Variants in TAFA1 observed in about 807,000 individuals in gnomAD.
TAFA1 encodes the protein TAFA chemokine like family member 1.
A neutral mutation model predicts 18.5 loss-of-function variants in TAFA1; 4 were observed. The ratio of observed to expected loss-of-function variants is 0.22; its 90% CI spans 0.11 to 0.49. The LOEUF (loss-of-function observed/expected upper bound fraction) is 0.49. Among genes scored for constraint, TAFA1 ranks in the 20% least tolerant of loss-of-function variants. The pLI, the probability that TAFA1 is intolerant of heterozygous loss-of-function variation, is 0.98. For synonymous variants in TAFA1, 56 were observed against 55.2 expected (o/e 1.01, Z -0.06); for missense variants, 147 against 169.0 (o/e 0.87, Z 0.72).
chr3:68,351,666 T>C (rs911101638), intron 2 of TAFA1, among the ~76,000 whole-genome samples: 4 of 152,086 alleles, frequency 2.6e-5, no homozygotes, highest in African/African-American at 9.6e-5. Flanking sequence ...TTTGAGTCTC[T>C]AGGGGTAGCA....
rs2065379269 is a variant in TAFA1, at chr3:68,120,225, CTTT to C, written c.118+113482_118+113484del. ...TCTTTCTTTCTTTCTTTCTTTCTTT[CTTT>C]CTTTCTTTCTTTCTTTCTTTCTTTC... On this transcript the variant is annotated intron_variant, in intron 2 of 4. Transcript: ENST00000478136. Among the ~76,000 whole-genome samples the C allele has an allele frequency of 3.2e-5, 4 of 125,180 alleles. No individual in the cohort carries two copies. In the East Asian group the frequency reaches 6.7e-4, roughly 21 times the overall value. The allele number at this position is 125,180 out of a possible 152,430, so 82.1% of individuals were successfully genotyped here.
intron 3 of TAFA1, among the ~76,000 whole-genome samples, chr3:68,418,309 A>G (rs1271825889): frequency 6.6e-6 from 1 of 151,852 alleles, no homozygotes; most frequent in Non-Finnish European, 1.5e-5. Context: ...TTACAGTCAA[A>G]GGGGAGTTGT....
At chr3:68,491,400 G>C (rs916294369) in intron 3 of TAFA1, among the ~76,000 whole-genome samples, 4 of 152,106 alleles carry the variant, frequency 2.6e-5, no homozygotes, top group South Asian at 4.2e-4. Flanking sequence ...GGACATGGAT[G>C]AAATTGGAAA....
At chr3:68,162,387 G>A (rs1321211645) in intron 2 of TAFA1, among the ~76,000 whole-genome samples, 1 of 152,078 alleles carries the variant, frequency 6.6e-6, no homozygotes, top group African/African-American at 2.4e-5. Context: ...CACATGCACA[G>A]TTCACAATAG....
At chr3:68,437,552 T>C (rs2071285988) in intron 3 of TAFA1, among the ~76,000 whole-genome samples, 1 of 152,130 alleles carries the variant, frequency 6.6e-6, no homozygotes, top group Non-Finnish European at 1.5e-5. Flanking sequence ...GGGCATAACA[T>C]GGCAAGGGGA....
chr3:68,153,417 C>T (rs2065830654), intron 2 of TAFA1, among the ~76,000 whole-genome samples: 1 of 152,050 alleles, frequency 6.6e-6, no homozygotes, highest in South Asian at 2.1e-4. Flanking sequence ...TGATTAGAAG[C>T]TGAGAAGGTG....
chr3:68,059,317 G>C (rs2064573918), intron 2 of TAFA1, among the ~76,000 whole-genome samples: 1 of 151,992 alleles, frequency 6.6e-6, no homozygotes, highest in Non-Finnish European at 1.5e-5. Context: ...TGAAACATTT[G>C]TTCCTTATAA....
At chr3:68,383,108 A>C (rs1363789881) in intron 2 of TAFA1, among the ~76,000 whole-genome samples, 1 of 152,138 alleles carries the variant, frequency 6.6e-6, no homozygotes, top group African/African-American at 2.4e-5. Context: ...TTGGGCTGAG[A>C]CTATAGGGTT....
intron 2 of TAFA1, among the ~76,000 whole-genome samples, chr3:68,220,077 G>T (rs1424615033): frequency 2.0e-5 from 3 of 152,150 alleles, no homozygotes; most frequent in Non-Finnish European, 4.4e-5. Context: ...AATTAATTGT[G>T]TAAGTCGAAA....
chr3:68,409,935 C>T, intron 2 of TAFA1, among the ~76,000 whole-genome samples: 1 of 152,166 alleles, frequency 6.6e-6, no homozygotes, highest in Non-Finnish European at 1.5e-5. Flanking sequence ...ACATAATTGT[C>T]ACCAGTGGGG....
intron 2 of TAFA1, among the ~76,000 whole-genome samples, chr3:68,190,519 A>G (rs2066324184): frequency 1.3e-5 from 2 of 151,906 alleles, no homozygotes; most frequent in South Asian, 4.1e-4. Context: ...TTTTAAGACC[A>G]TTAACCTCAG....
intron 2 of TAFA1, among the ~76,000 whole-genome samples, chr3:68,328,917 T>C (rs1427106601): frequency 6.6e-6 from 1 of 151,696 alleles, no homozygotes; most frequent in Non-Finnish European, 1.5e-5. Flanking sequence ...TGTTATGAAA[T>C]AAAAATCAAA....
chr3:68,424,198 A>G (rs2071012239), intron 3 of TAFA1, among the ~76,000 whole-genome samples: 1 of 152,078 alleles, frequency 6.6e-6, no homozygotes, highest in South Asian at 2.1e-4. Context: ...AGTCCCCAAG[A>G]TAAGTGCAAA....
rs1234477736 is a variant in TAFA1 at position 68,322,861 on chromosome 3, T to C, written c.119-94419T>C. 2.0e-5 allele frequency among the ~76,000 whole-genome samples: 3 copies of C among 152,110 alleles called. No individual in the cohort carries two copies. In the East Asian group the frequency reaches 5.8e-4, roughly 29 times the overall value. ...AGGAGGCTGAGACAGAAGAATCTCT[T>C]GAACCTTGGAGGCAGAGGTTGCAGT... is the stretch of plus-strand genomic sequence containing the variant. On this transcript the variant is annotated intron_variant, in intron 2 of 4. Coordinates refer to ENST00000478136, the MANE Select transcript of TAFA1 (RefSeq NM_213609.4).
chr3:68,193,273 A>G (rs921622119), intron 2 of TAFA1, among the ~76,000 whole-genome samples: 2 of 151,822 alleles, frequency 1.3e-5, no homozygotes, highest in Non-Finnish European at 2.9e-5. Flanking sequence ...GTACTTTTCT[A>G]CTATTCAAAC....
chr3:68,083,595 A>G (rs2064932061), intron 2 of TAFA1, among the ~76,000 whole-genome samples: 1 of 152,222 alleles, frequency 6.6e-6, no homozygotes, highest in Non-Finnish European at 1.5e-5. Flanking sequence ...TCTCTTGACA[A>G]CTTGTGAACA....
At chr3:68,328,966 C>G (rs753121031) in intron 2 of TAFA1, among the ~76,000 whole-genome samples, 7 of 151,822 alleles carry the variant, frequency 4.6e-5, no homozygotes, top group Non-Finnish European at 1.5e-5. Context: ...GGTTCCAAGC[C>G]ATGTACAAAA....
intron 2 of TAFA1, among the ~76,000 whole-genome samples, chr3:68,401,592 T>A (rs1270722499): frequency 6.6e-6 from 1 of 152,188 alleles, no homozygotes; most frequent in Non-Finnish European, 1.5e-5. Flanking sequence ...AGTGGCAATC[T>A]CCAGACTTGC....
intron 2 of TAFA1, among the ~76,000 whole-genome samples, chr3:68,211,087 C>T (rs568653122): frequency 3.9e-5 from 6 of 152,102 alleles, no homozygotes; most frequent in South Asian, 2.1e-4. Context: ...CTCCCCCAAG[C>T]GAGTGATCCA....
Sources: allele counts gnomAD v4.1 joint callset (sites outside exome capture counted in the v4.1 genomes callset), GRCh38; gene constraint gnomAD v4.1.1; transcripts MANE v1.5; gene names NCBI Gene and HGNC (gene_info 2026-07-23, HGNC 2026-07-21).